The following FAM161A variants were observed in gnomAD, a reference collection of about 807,000 sequenced individuals.
The protein encoded by FAM161A is FAM161 centrosomal protein A.
A neutral mutation model predicts 70.9 loss-of-function variants in FAM161A; 57 were observed. That is an observed-to-expected ratio of 0.80 (90% CI 0.65 to 1.00). FAM161A has a LOEUF of 1.00. Ranked by LOEUF, FAM161A falls within the 50% of genes least tolerant of loss-of-function variation. The pLI, the probability that FAM161A is intolerant of heterozygous loss-of-function variation, is 0.00. For missense variants in FAM161A, 880 were observed against 836.0 expected, an observed-to-expected ratio of 1.05 and a Z score of -0.65; for synonymous variants, 299 against 295.7, an observed-to-expected ratio of 1.01 and a Z score of -0.12.
the FAM161A span, among the ~76,000 whole-genome samples, chr2:61,819,061 G>A: frequency 6.6e-6 from 1 of 152,154 alleles, no homozygotes; most frequent in Non-Finnish European, 1.5e-5. Flanking sequence ...ATCCAATTAA[G>A]CAAACAATTA....
At chr2:61,809,145 T>C in the FAM161A span, among the ~76,000 whole-genome samples, 2 of 152,128 alleles carry the variant, frequency 1.3e-5, no homozygotes, top group Non-Finnish European at 2.9e-5. Flanking sequence ...AGTGCTGGGA[T>C]TACAGGCATG....
chr2:61,814,503 A>C, the FAM161A span, among the ~76,000 whole-genome samples: 3 of 151,618 alleles, frequency 2.0e-5, no homozygotes, highest in Non-Finnish European at 2.9e-5. Flanking sequence ...CCTCTGCTCG[A>C]GAGGAGTTTC....
At position 61,825,861 on chromosome 2, in the gene FAM161A, T is replaced by C. The variant is rs1295621308; in HGVS notation, c.*594A>G. 1 of 452,588 alleles carries C rather than the reference T, an allele frequency of 2.2e-6. No individual in the cohort carries two copies. Among genetic ancestry groups the C allele is most frequent in the Admixed American group, 2.4e-5 (1 of 42,292 alleles). The allele number at this position is 452,588 out of a possible 1,614,324, so 28.0% of individuals were successfully genotyped here. On this transcript the variant is annotated 3_prime_UTR_variant, in exon 7 of 7. Coordinates refer to ENST00000404929, the MANE Select transcript of FAM161A (RefSeq NM_001201543.2). ...ATCGTGTTAGCCAGGATGGTCTCGA[T>C]CTCCTGACCTCGTGATCCACCCGTC...
At chr2:61,838,405 C>T in intron 4 of FAM161A, 133 bp downstream of exon 4, 4 of 752,642 alleles carry the variant, frequency 5.3e-6, no homozygotes, top group South Asian at 2.0e-5. Context: ...ACACAAGTAA[C>T]TGATGACAAT....
At chr2:61,827,417 T>A (rs1368465822) in intron 5 of FAM161A, among the ~76,000 whole-genome samples, 159 bp from the exon 6 acceptor site, 1 of 152,054 alleles carries the variant, frequency 6.6e-6, no homozygotes, top group Non-Finnish European at 1.5e-5. Flanking sequence ...AAGACCATCC[T>A]GGCTAACACG....
the FAM161A span, among the ~76,000 whole-genome samples, chr2:61,813,654 G>A: frequency 1.8e-3 from 265 of 150,680 alleles, 2 homozygotes; most frequent in African/African-American, 6.2e-3. Flanking sequence ...AGGAGGGTGA[G>A]GCTGCAGTCA....
At chr2:61,822,334 A>T (rs899589391), downstream of FAM161A, among the ~76,000 whole-genome samples, 4 of 152,116 alleles carry the variant, frequency 2.6e-5, no homozygotes, top group Non-Finnish European at 5.9e-5. Flanking sequence ...CAATACAGGT[A>T]AGTTAGTAAA....
Position 61,842,349 on chromosome 2 carries a change from G to A in FAM161A, c.195C>T (p.Asn65=), listed in dbSNP as rs751590975. 6.4e-7 allele frequency: 1 copy of A among 1,559,632 alleles called. No individual in the cohort carries two copies. The change falls in exon 2 of 7, where the codon AAC becomes AAT. Residue 65 remains asparagine, a synonymous_variant. Transcript: ENST00000404929. ...GTTCATCCACCCCAGAAAAGCTGGT[G>A]TTCAAATCAGCCTGGTGGGGAGAAA... ...AQPAGASADL[N]TSFSGVDEHA...
chr2:61,847,119 A>G (rs1673250728), intron 1 of FAM161A: 1 of 313,768 alleles, frequency 3.2e-6, no homozygotes, highest in Non-Finnish European at 6.3e-6. Context: ...CCAAGATCGC[A>G]CCACTGCACT....
chr2:61,830,553 G>A (rs867206445), intron 5 of FAM161A, among the ~76,000 whole-genome samples: 2 of 151,560 alleles, frequency 1.3e-5, no homozygotes, highest in Middle Eastern at 3.4e-3. Flanking sequence ...GCATGGTGGT[G>A]TGCACCTGTA....
At chr2:61,812,369 A>G in the FAM161A span, among the ~76,000 whole-genome samples, 1 of 152,122 alleles carries the variant, frequency 6.6e-6, no homozygotes, top group African/African-American at 2.4e-5. Flanking sequence ...TTTTATATGG[A>G]TTATTTATAA....
chr2:61,838,888 A>ATTTTTTTTT lies in FAM161A; in HGVS notation c.1584-184_1584-183insAAAAAAAAA, dbSNP rs962221306. 1.1e-3 allele frequency among the ~76,000 whole-genome samples: 130 copies of ATTTTTTTTT among 118,186 alleles called. 2 individuals are homozygous for ATTTTTTTTT. Among genetic ancestry groups the ATTTTTTTTT allele is most frequent in the African/African-American group, 3.8e-3 (128 of 33,572 alleles). 77.5% of individuals were successfully genotyped at this position (118,186 alleles called of 152,430 possible). A position where few individuals can be genotyped will look rare whatever the true frequency, so the allele number is the denominator to read the frequency against. ...TATTTATTTATTTATTTATTTATTT[A>ATTTTTTTTT]TTTATTTTTTTTGAGATGGAGTCTC... On this transcript the variant is annotated intron_variant, in intron 3 of 6. Coordinates refer to ENST00000404929, the MANE Select transcript of FAM161A (RefSeq NM_001201543.2).
intron 1 of FAM161A, among the ~76,000 whole-genome samples, chr2:61,852,215 T>C (rs1436430025): frequency 6.6e-6 from 1 of 152,112 alleles, no homozygotes; most frequent in African/African-American, 2.4e-5. Flanking sequence ...CCAAACTAGA[T>C]TATTGTATAA....
the FAM161A span, among the ~76,000 whole-genome samples, chr2:61,804,182 T>C: frequency 1.8e-3 from 268 of 152,274 alleles, no homozygotes; most frequent in African/African-American, 5.7e-3. Context: ...GGTGGGAGTG[T>C]AGCAGTGAGG....
chr2:61,824,053 G>T (rs1436306917), downstream of FAM161A, among the ~76,000 whole-genome samples: 1 of 149,680 alleles, frequency 6.7e-6, no homozygotes, highest in Admixed American at 6.7e-5. Context: ...TTGAGATGGA[G>T]TCTCACTCTG....
At chr2:61,808,472 C>T in the FAM161A span, among the ~76,000 whole-genome samples, 4 of 152,128 alleles carry the variant, frequency 2.6e-5, no homozygotes, top group Middle Eastern at 3.4e-3. Context: ...CTGGGTTTCA[C>T]CATGTTGGCC....
chr2:61,831,407 C>T (rs112941191), intron 5 of FAM161A, among the ~76,000 whole-genome samples: 2,029 of 152,182 alleles, frequency 0.013, 37 homozygotes, highest in African/African-American at 0.045. Flanking sequence ...TCTGACCATT[C>T]CCCCAACCTC....
chr2:61,840,162 T>C lies in FAM161A; in HGVS notation c.842A>G (p.Lys281Arg), dbSNP rs778465044. ...TGCAGGAACTGGATTGGCTCGGAAT[T>C]TCTTCTTATACTCTGGATCCTCTTC... ...KQEEDPEYKK[K>R]FRANPVPASV... Residue 281 changes from lysine to arginine, a missense_variant, in exon 3 of 7, where the codon AAA becomes AGA. Physicochemically the swap from Lys to Arg is conservative, Grantham distance 26 (BLOSUM62 2). Transcript: ENST00000404929. 6.2e-7 allele frequency: 1 copy of C among 1,614,140 alleles called. No homozygotes were observed. Among genetic ancestry groups the C allele is most frequent in the South Asian group, 1.1e-5 (1 of 91,080 alleles).
intron 5 of FAM161A, among the ~76,000 whole-genome samples, chr2:61,830,763 T>C (rs966072232): frequency 6.6e-6 from 1 of 151,132 alleles, no homozygotes; most frequent in African/African-American, 2.4e-5. Flanking sequence ...CCCCCCTCAG[T>C]TTCCCAAAGT....
Sources: allele counts gnomAD v4.1 joint callset (sites outside exome capture counted in the v4.1 genomes callset), GRCh38; gene constraint gnomAD v4.1.1; transcripts MANE v1.5; gene names NCBI Gene and HGNC (gene_info 2026-07-23, HGNC 2026-07-21).